DNAH3: variants seen among roughly 807,000 people sequenced by gnomAD.
The protein encoded by DNAH3 is dynein axonemal heavy chain 3, also known as axonemal beta dynein heavy chain 3.
A neutral mutation model predicts 432.5 loss-of-function variants in DNAH3; 332 were observed. The ratio of observed to expected loss-of-function variants is 0.77; its 90% CI spans 0.70 to 0.84. DNAH3 has a LOEUF of 0.84. DNAH3 is among the 40% of genes least tolerant of loss of function. The pLI, the probability that DNAH3 is intolerant of heterozygous loss-of-function variation, is 0.00. For synonymous variants in DNAH3, 1,956 were observed against 1,900.2 expected, an observed-to-expected ratio of 1.03 and a Z score of -0.76; for missense variants, 4,861 against 5,114.0, an observed-to-expected ratio of 0.95 and a Z score of 1.51.
At chr16:21,155,558 G>C (rs547982682) in intron 1 of DNAH3, among the ~76,000 whole-genome samples, 1 of 141,532 alleles carries the variant, frequency 7.1e-6, no homozygotes, top group South Asian at 2.3e-4. Flanking sequence ...GGAGGTGGAG[G>C]TTGCAGTAAG....
intron 43 of DNAH3, 76 bp downstream of exon 43, chr16:21,000,148 A>C (rs1296923805): frequency 7.3e-6 from 11 of 1,505,782 alleles, no homozygotes; most frequent in Non-Finnish European, 9.0e-6. Flanking sequence ...CAGTGGCACC[A>C]CAAGCAGAAG....
chr16:20,936,768 C>A (rs199801785), exon 60 of DNAH3: 7 of 1,613,514 alleles, frequency 4.3e-6, no homozygotes, highest in Non-Finnish European at 4.2e-6. Context: ...CTGTTAAAGA[C>A]TTCCTCTAGC....
intron 13 of DNAH3, 70 bp from the exon 14 acceptor site, chr16:21,111,874 C>T (rs1033971326): frequency 1.4e-5 from 22 of 1,574,462 alleles, no homozygotes; most frequent in Non-Finnish European, 1.1e-5. Context: ...CAGCCTAACC[C>T]CTGGCCAACC....
intron 38 of DNAH3, 109 bp from the exon 39 acceptor site, chr16:21,024,810 G>T (rs1260714100): frequency 2.4e-6 from 2 of 845,874 alleles, no homozygotes; most frequent in African/African-American, 3.3e-5. Flanking sequence ...GGCATTAATG[G>T]ATCTTGACAA....
At chr16:21,101,013 A>T (rs2091824419) in intron 16 of DNAH3, among the ~76,000 whole-genome samples, 1 of 152,212 alleles carries the variant, frequency 6.6e-6, no homozygotes, top group Admixed American at 6.5e-5. Flanking sequence ...ACACACATAC[A>T]AACAACTGCT....
At chr16:20,948,389 C>T in intron 57 of DNAH3, 94 bp downstream of exon 57, 4 of 1,355,944 alleles carry the variant, frequency 2.9e-6, no homozygotes, top group Non-Finnish European at 4.0e-6. Context: ...CAAGGTCACC[C>T]CTGGGATCCC....
chr16:21,047,631 A>G (rs1353256550), intron 31 of DNAH3, among the ~76,000 whole-genome samples: 2 of 151,476 alleles, frequency 1.3e-5, no homozygotes, highest in African/African-American at 2.4e-5. Context: ...ATGTCCTCCC[A>G]TAGCTCAGAG....
At chr16:21,083,860 C>T (rs2091276063) in intron 19 of DNAH3, among the ~76,000 whole-genome samples, 1 of 152,124 alleles carries the variant, frequency 6.6e-6, no homozygotes, top group Non-Finnish European at 1.5e-5. Flanking sequence ...TAGGGGCAGT[C>T]CGGAGAGTAT....
chr16:21,152,849 G>C (rs962195366), intron 1 of DNAH3, among the ~76,000 whole-genome samples: 1 of 152,268 alleles, frequency 6.6e-6, no homozygotes, highest in African/African-American at 2.4e-5. Flanking sequence ...CAGGGCTCGG[G>C]ACTTGCAGCC....
chr16:21,146,717 C>T (rs2152833101), intron 1 of DNAH3, among the ~76,000 whole-genome samples: 1 of 151,984 alleles, frequency 6.6e-6, no homozygotes, highest in Non-Finnish European at 1.5e-5. Flanking sequence ...ATTTTATATC[C>T]TATGACCATC....
chr16:21,097,521 T>C, intron 17 of DNAH3, 22 bp from the exon 18 acceptor site: 1 of 1,610,948 alleles, frequency 6.2e-7, no homozygotes, highest in South Asian at 1.1e-5. Context: ...AAGGAGATGC[T>C]GTTTATGGGA....
intron 49 of DNAH3, among the ~76,000 whole-genome samples, chr16:20,980,781 A>G (rs1394511965): frequency 6.6e-6 from 1 of 152,258 alleles, no homozygotes; most frequent in Non-Finnish European, 1.5e-5. Context: ...ATATTTTAAA[A>G]TTTGTAATAT....
intron 18 of DNAH3, among the ~76,000 whole-genome samples, chr16:21,096,772 A>T (rs1332939856): frequency 6.6e-6 from 1 of 152,066 alleles, no homozygotes; most frequent in Non-Finnish European, 1.5e-5. Flanking sequence ...CTTTGCTGTT[A>T]TTATCCTCAC....
intron 14 of DNAH3, 38 bp from the exon 15 acceptor site, chr16:21,106,712 A>G (rs369798589): frequency 3.0e-5 from 41 of 1,353,880 alleles, no homozygotes; most frequent in Middle Eastern, 4.6e-4. Context: ...CATCATCATC[A>G]TCACCATCAT....
intron 51 of DNAH3, among the ~76,000 whole-genome samples, chr16:20,971,040 G>T (rs2085320286): frequency 1.3e-5 from 2 of 151,548 alleles, no homozygotes; most frequent in Admixed American, 6.6e-5. Context: ...ACTAATTTTT[G>T]TATTTTTAGT....
intron 31 of DNAH3, 32 bp downstream of exon 31, chr16:21,049,537 T>A (rs764760240): frequency 1.9e-6 from 3 of 1,591,996 alleles, no homozygotes; most frequent in Admixed American, 1.7e-5. Context: ...CATGCACAGC[T>A]TCTTTGTTCT....
intron 11 of DNAH3, 119 bp from the exon 12 acceptor site, chr16:21,117,458 T>G (rs2092232218): frequency 2.9e-6 from 2 of 679,078 alleles, no homozygotes; most frequent in Admixed American, 5.5e-5. Flanking sequence ...TTTACTCTAT[T>G]TCCTCTTAGA....
intron 11 of DNAH3, among the ~76,000 whole-genome samples, chr16:21,120,470 A>C (rs1287410066): frequency 1.3e-5 from 2 of 152,114 alleles, no homozygotes; most frequent in African/African-American, 4.8e-5. Context: ...GGTAACACCC[A>C]CCAGTTGCCA....
chr16:21,037,676 G>C, intron 34 of DNAH3, 85 bp downstream of exon 34: 2 of 1,138,704 alleles, frequency 1.8e-6, no homozygotes, highest in Middle Eastern at 4.5e-4. Context: ...AGATGGAAGA[G>C]GGTATGGGGA....
Sources: gnomAD v4.1 joint callset for allele counts (sites outside exome capture counted in the v4.1 genomes callset) on GRCh38, gnomAD v4.1.1 for gene constraint, MANE v1.5 for transcripts, NCBI Gene and HGNC (gene_info 2026-07-23, HGNC 2026-07-21) for gene names.